CIRSR: variants seen among roughly 807,000 people sequenced by gnomAD.
The protein encoded by CIRSR is CBF1 (RBPJ) interacting corepressor 1.
At chr2:174,394,023 G>A in the CIRSR span, among the ~76,000 whole-genome samples, 1 of 152,086 alleles carries the variant, frequency 6.6e-6, no homozygotes, top group African/African-American at 2.4e-5. Context: ...AGATCAAAGA[G>A]GCCAACAATA....
the CIRSR span, among the ~76,000 whole-genome samples, chr2:174,356,738 G>T: frequency 6.6e-6 from 1 of 152,094 alleles, no homozygotes; most frequent in Non-Finnish European, 1.5e-5. Flanking sequence ...AAACTAAATT[G>T]CTACCCTAAA....
At chr2:174,378,475 T>C in the CIRSR span, among the ~76,000 whole-genome samples, 1 of 152,228 alleles carries the variant, frequency 6.6e-6, no homozygotes, top group Non-Finnish European at 1.5e-5. Context: ...CAGTAATATG[T>C]AGGACAGTAA....
chr2:174,376,010 A>G, the CIRSR span, among the ~76,000 whole-genome samples: 143 of 152,234 alleles, frequency 9.4e-4, 1 homozygote, highest in African/African-American at 3.3e-3. Flanking sequence ...GGTGCAGACC[A>G]CCAAGCCCAG....
the CIRSR span, chr2:174,378,883 T>C: frequency 7.2e-6 from 10 of 1,385,132 alleles, no homozygotes; most frequent in Non-Finnish European, 1.0e-5. Context: ...TATCTTTCCT[T>C]GTTTGTCCTC....
the CIRSR span, among the ~76,000 whole-genome samples, chr2:174,366,892 T>A: frequency 6.6e-6 from 1 of 152,136 alleles, no homozygotes; most frequent in Non-Finnish European, 1.5e-5. Flanking sequence ...TAAATCCATA[T>A]TTACAACTGT....
At chr2:174,375,889 C>T in the CIRSR span, among the ~76,000 whole-genome samples, 3 of 152,184 alleles carry the variant, frequency 2.0e-5, no homozygotes, top group African/African-American at 7.2e-5. Flanking sequence ...GAGATAGTCT[C>T]GCTTTGTCAC....
chr2:174,367,406 C>T, the CIRSR span, among the ~76,000 whole-genome samples: 6 of 152,144 alleles, frequency 3.9e-5, no homozygotes, highest in East Asian at 1.9e-4. Flanking sequence ...AGTGAAACCC[C>T]GTCTCTACTA....
the CIRSR span, among the ~76,000 whole-genome samples, chr2:174,355,297 T>C: frequency 1.3e-5 from 2 of 152,322 alleles, no homozygotes; most frequent in East Asian, 1.9e-4. Context: ...ATTTCAATTA[T>C]AGCTGGAGTT....
chr2:174,361,531 A>C, the CIRSR span, among the ~76,000 whole-genome samples: 20 of 152,356 alleles, frequency 1.3e-4, no homozygotes, highest in Admixed American at 2.0e-4. Context: ...CGAAAGGTTT[A>C]TGAAAAGATG....
the CIRSR span, chr2:174,348,648 C>A: frequency 6.2e-7 from 1 of 1,614,202 alleles, no homozygotes; most frequent in South Asian, 1.1e-5. Context: ...CCTTGTCTCC[C>A]TTTGCTTGTA....
At chr2:174,381,840 T>C in the CIRSR span, 1 of 1,123,258 alleles carries the variant, frequency 8.9e-7, no homozygotes, top group Non-Finnish European at 1.3e-6. Flanking sequence ...TATAGAATAA[T>C]CCACTCCCCA....
At chr2:174,361,774 T>G in the CIRSR span, among the ~76,000 whole-genome samples, 1 of 152,212 alleles carries the variant, frequency 6.6e-6, no homozygotes, top group Admixed American at 6.5e-5. Context: ...CAAGATTGGA[T>G]AGAAACATTT....
chr2:174,350,951 TG>T, the CIRSR span, among the ~76,000 whole-genome samples: 1 of 152,212 alleles, frequency 6.6e-6, no homozygotes, highest in Non-Finnish European at 1.5e-5. Context: ...GAGGTTAACA[TG>T]ACTGCTTTGC....
the CIRSR span, among the ~76,000 whole-genome samples, chr2:174,352,637 G>A: frequency 6.6e-6 from 1 of 152,176 alleles, no homozygotes; most frequent in Non-Finnish European, 1.5e-5. Flanking sequence ...TAAGGTTTAT[G>A]TAAGGTAAGA....
At chr2:174,354,859 C>T in the CIRSR span, among the ~76,000 whole-genome samples, 1 of 143,800 alleles carries the variant, frequency 7.0e-6, no homozygotes. Flanking sequence ...GCCTAGGTCT[C>T]CCAAAGTACT....
At chr2:174,354,184 C>T in the CIRSR span, among the ~76,000 whole-genome samples, 1 of 150,814 alleles carries the variant, frequency 6.6e-6, no homozygotes, top group African/African-American at 2.4e-5. Context: ...TTCAAAAATC[C>T]CAACTGAAAA....
chr2:174,364,273 A>C, the CIRSR span, among the ~76,000 whole-genome samples: 3 of 152,334 alleles, frequency 2.0e-5, no homozygotes, highest in South Asian at 6.2e-4. Context: ...CGCTGATACA[A>C]GAGGTGGGTT....
chr2:174,378,753 T>C, the CIRSR span: 37 of 642,498 alleles, frequency 5.8e-5, no homozygotes, highest in Non-Finnish European at 1.0e-4. Context: ...TCAACATATA[T>C]GATCAGAGTT....
chr2:174,382,435 T>G, the CIRSR span, among the ~76,000 whole-genome samples: 1 of 152,084 alleles, frequency 6.6e-6, no homozygotes, highest in African/African-American at 2.4e-5. Flanking sequence ...GGTCAGGAGT[T>G]TGAGACCAGC....
Sources: allele counts gnomAD v4.1 joint callset (sites outside exome capture counted in the v4.1 genomes callset), GRCh38; gene constraint gnomAD v4.1.1; transcripts MANE v1.5; gene names NCBI Gene and HGNC (gene_info 2026-07-23, HGNC 2026-07-21).